RARB: variants seen among roughly 807,000 people sequenced by gnomAD.
RARB encodes HBV-activated protein.
A neutral mutation model predicts 51.9 loss-of-function variants in RARB; 17 were observed. The observed-to-expected ratio is 0.33, with a 90% CI of 0.22 to 0.49. The LOEUF (loss-of-function observed/expected upper bound fraction) is 0.49. RARB is among the 20% of genes least tolerant of loss of function. The probability of loss-of-function intolerance (pLI) is 0.99; values close to 1 mark genes in which losing one functional copy is unlikely to be tolerated. For synonymous variants in RARB, 215 were observed against 195.4 expected (o/e 1.10, Z -0.84); for missense variants, 369 against 550.8 (o/e 0.67, Z 3.30).
chr3:25,536,859 G>T (rs2125649957), intron 3 of RARB, among the ~76,000 whole-genome samples: 1 of 152,296 alleles, frequency 6.6e-6, no homozygotes, highest in East Asian at 1.9e-4. Flanking sequence ...ATTTTTAGAA[G>T]CCCTAGGAAA....
chr3:25,250,283 G>A (rs538423802), intron 5 of RARB, among the ~76,000 whole-genome samples: 5 of 152,314 alleles, frequency 3.3e-5, no homozygotes, highest in African/African-American at 1.2e-4. Context: ...GCCAGCCTGT[G>A]TGGGTCTATC....
chr3:25,560,480 G>A (rs1438841945), intron 3 of RARB, among the ~76,000 whole-genome samples: 1 of 152,150 alleles, frequency 6.6e-6, no homozygotes, highest in Non-Finnish European at 1.5e-5. Context: ...AATCCATCAC[G>A]TATATTAAGC....
intron 5 of RARB, among the ~76,000 whole-genome samples, chr3:25,307,269 C>T (rs1704175323): frequency 6.6e-6 from 1 of 151,964 alleles, no homozygotes; most frequent in Non-Finnish European, 1.5e-5. Context: ...CACCTGTAAT[C>T]TCAGCTGCCC....
At chr3:25,285,534 C>A (rs975313600) in intron 5 of RARB, among the ~76,000 whole-genome samples, 9 of 152,094 alleles carry the variant, frequency 5.9e-5, no homozygotes, top group African/African-American at 2.2e-4. Context: ...TGGAGTTGAA[C>A]TTGAATTGAA....
At chr3:25,505,679 A>G (rs1038044684) in intron 3 of RARB, among the ~76,000 whole-genome samples, 3 of 151,908 alleles carry the variant, frequency 2.0e-5, no homozygotes, top group Non-Finnish European at 4.4e-5. Context: ...TGAAAAAAAA[A>G]CTCGATTTTT....
intron 3 of RARB, among the ~76,000 whole-genome samples, chr3:25,068,736 T>C (rs114677400): frequency 6.6e-6 from 1 of 152,210 alleles, no homozygotes; most frequent in South Asian, 2.1e-4. Context: ...ATGAATCTGA[T>C]TGAGGCAAGA....
chr3:25,251,359 T>A (rs1475679571), intron 5 of RARB, among the ~76,000 whole-genome samples: 1 of 152,160 alleles, frequency 6.6e-6, no homozygotes, highest in Non-Finnish European at 1.5e-5. Flanking sequence ...CATGGACATA[T>A]GTTTTCAATT....
chr3:25,469,455 C>A (rs1695590159), intron 2 of RARB, among the ~76,000 whole-genome samples: 1 of 152,158 alleles, frequency 6.6e-6, no homozygotes, highest in Non-Finnish European at 1.5e-5. Flanking sequence ...AACAAAATAA[C>A]ATATCCAAAA....
intron 2 of RARB, among the ~76,000 whole-genome samples, chr3:25,489,619 A>G (rs11714401): frequency 2.1e-5 from 1 of 47,052 alleles, no homozygotes; most frequent in Non-Finnish European, 8.0e-5. Flanking sequence ...GCACTGTTGT[A>G]GAGAGAATGT....
intron 5 of RARB, among the ~76,000 whole-genome samples, chr3:25,268,234 T>C (rs1261398388): frequency 3.3e-5 from 5 of 152,170 alleles, no homozygotes; most frequent in Non-Finnish European, 7.4e-5. Context: ...TTTTTCTTTT[T>C]TTAGGACCAG....
At chr3:25,041,005 C>T (rs1698102966) in intron 2 of RARB, among the ~76,000 whole-genome samples, 1 of 152,180 alleles carries the variant, frequency 6.6e-6, no homozygotes, top group Non-Finnish European at 1.5e-5. Context: ...ACCACAGTCT[C>T]TGCCATAAAG....
intron 5 of RARB, among the ~76,000 whole-genome samples, chr3:25,285,384 A>G (rs1224049489): frequency 6.6e-6 from 1 of 152,152 alleles, no homozygotes; most frequent in Non-Finnish European, 1.5e-5. Flanking sequence ...GAGGAGAGAG[A>G]GAGATGGGAC....
At chr3:25,390,783 TCAA>T (rs1706930348) in intron 5 of RARB, among the ~76,000 whole-genome samples, 1 of 152,180 alleles carries the variant, frequency 6.6e-6, no homozygotes, top group Non-Finnish European at 1.5e-5. Context: ...CTTGCTTCCA[TCAA>T]CAAATATTTA....
intron 5 of RARB, among the ~76,000 whole-genome samples, chr3:25,270,940 G>T (rs1184734317): frequency 1.3e-5 from 2 of 152,224 alleles, no homozygotes; most frequent in Non-Finnish European, 2.9e-5. Context: ...TAAGCCCCCA[G>T]TCTTCAGGCA....
intron 1 of RARB, among the ~76,000 whole-genome samples, chr3:25,453,905 T>C (rs1694750271): frequency 6.6e-6 from 1 of 152,342 alleles, no homozygotes; most frequent in South Asian, 2.1e-4. Flanking sequence ...AGCTGCTTAA[T>C]AATAACAAAG....
At chr3:25,589,143 A>G (rs569703388) in intron 5 of RARB, among the ~76,000 whole-genome samples, 1 of 152,346 alleles carries the variant, frequency 6.6e-6, no homozygotes, top group South Asian at 2.1e-4. Flanking sequence ...TTTAGGAAGC[A>G]TTTTCACTGA....
rs116561741 is a variant in RARB, at chr3:25,155,017, C to G, written c.-279-19102C>G. 1.7e-3 allele frequency among the ~76,000 whole-genome samples: 263 copies of G among 152,276 alleles called. 2 individuals are homozygous for G. The highest frequency in any genetic ancestry group is 6.2e-3 in the African/African-American group (257 of 41,564). ...ATGAAACTTGCCCAATTCATTCAATCACTTGTTAACATTTTATCATTCTCA... is the reference window on the plus strand; with the variant it reads ...ATGAAACTTGCCCAATTCATTCAATGACTTGTTAACATTTTATCATTCTCA... On this transcript the variant is annotated intron_variant, in intron 4 of 11. Transcript: ENST00000383772.
Position 25,473,222 on chromosome 3 carries a change from C to T in RARB, c.306+11881C>T, listed in dbSNP as rs139284774. 1.1e-4 allele frequency among the ~76,000 whole-genome samples: 16 copies of T among 151,406 alleles called. No individual in the cohort carries two copies. The East Asian group carries it at 3.1e-3, about 29-fold the overall frequency. On this transcript the variant is annotated intron_variant, in intron 2 of 7. Transcript: ENST00000330688. Reference sequence around the variant, plus strand: ...GTTGTTATTGAGTATTTTTCCACTTCAGAAAGGAAGATTAAATGTGTCATA... The same window carrying T: ...GTTGTTATTGAGTATTTTTCCACTTTAGAAAGGAAGATTAAATGTGTCATA...
At chr3:25,231,926 A>G (rs1702186968) in intron 5 of RARB, among the ~76,000 whole-genome samples, 1 of 151,336 alleles carries the variant, frequency 6.6e-6, no homozygotes, top group South Asian at 2.1e-4. Flanking sequence ...AACTCAATAT[A>G]TTTTTTTTTC....
Sources: gnomAD v4.1 joint callset for allele counts (sites outside exome capture counted in the v4.1 genomes callset) on GRCh38, gnomAD v4.1.1 for gene constraint, MANE v1.5 for transcripts, NCBI Gene and HGNC (gene_info 2026-07-23, HGNC 2026-07-21) for gene names.